Variants in KAZN observed in about 807,000 individuals in gnomAD.
KAZN encodes kazrin, periplakin interacting protein.
In KAZN, 40 loss-of-function variants were observed where a neutral mutation model predicts 87.4. The ratio of observed to expected loss-of-function variants is 0.46; its 90% CI spans 0.36 to 0.60. KAZN has a LOEUF of 0.60. KAZN is among the 20% of genes least tolerant of loss of function. The probability of loss-of-function intolerance (pLI) is 0.00; values close to 1 mark genes in which losing one functional copy is unlikely to be tolerated. For synonymous variants in KAZN, 466 were observed against 458.3 expected, an observed-to-expected ratio of 1.02 and a Z score of -0.22; for missense variants, 898 against 1,073.9, an observed-to-expected ratio of 0.84 and a Z score of 2.29.
chr1:14,559,405 T>C (rs115796809), intron 2 of KAZN, among the ~76,000 whole-genome samples: 2,916 of 152,300 alleles, frequency 0.019, 43 homozygotes, highest in South Asian at 0.057. Flanking sequence ...TCACAGTCTA[T>C]GCTTTAGGAT....
intron 2 of KAZN, among the ~76,000 whole-genome samples, chr1:14,236,082 A>G (rs1421355181): frequency 6.7e-6 from 1 of 150,148 alleles, no homozygotes; most frequent in African/African-American, 2.4e-5. Flanking sequence ...TTTCCAGAAT[A>G]CAAGAAAGAT....
chr1:14,245,742 G>C (rs1042394415), intron 2 of KAZN, among the ~76,000 whole-genome samples: 3 of 152,112 alleles, frequency 2.0e-5, no homozygotes, highest in Admixed American at 1.3e-4. Flanking sequence ...CTCATTTTAA[G>C]TATCATCACT....
chr1:14,550,929 C>T (rs1460986449), intron 2 of KAZN, among the ~76,000 whole-genome samples: 1 of 151,558 alleles, frequency 6.6e-6, no homozygotes, highest in East Asian at 1.9e-4. Flanking sequence ...AACTCTTCTC[C>T]CCGGCAGTCT....
At chr1:14,131,298 C>T (rs1570814793) in intron 1 of KAZN, among the ~76,000 whole-genome samples, 1 of 152,176 alleles carries the variant, frequency 6.6e-6, no homozygotes, top group South Asian at 2.1e-4. Context: ...GACACGTAGC[C>T]AAACCATATT....
chr1:14,847,704 G>A (rs993515527), intron 1 of KAZN, among the ~76,000 whole-genome samples: 3 of 152,236 alleles, frequency 2.0e-5, no homozygotes, highest in Non-Finnish European at 2.9e-5. Flanking sequence ...CTGGGGCAGG[G>A]GCACAGTGGC....
chr1:14,122,927 A>G (rs562595382), intron 1 of KAZN, among the ~76,000 whole-genome samples: 1 of 152,260 alleles, frequency 6.6e-6, no homozygotes, highest in South Asian at 2.1e-4. Context: ...CTGCTCTGTG[A>G]CATACTTGTT....
rs79206295 is a variant in KAZN at position 15,111,751 on chromosome 1, A to G, written c.2049-676A>G. On this transcript the variant is annotated intron_variant, in intron 13 of 14. Transcript: ENST00000376030. ...GCCATATGATCTCTGTCAAAAGTCT[A>G]CAACTCTGTCCTTATAGCAACAAGA... 807 of 152,640 alleles carry G rather than the reference A, an allele frequency of 5.3e-3. 4 individuals carry two copies. The highest frequency in any genetic ancestry group is 8.6e-3 in the Non-Finnish European group (587 of 68,260). The allele number at this position is 152,640 out of a possible 1,614,324, so 9.5% of individuals were successfully genotyped here. A position where few individuals can be genotyped will look rare whatever the true frequency, so the allele number is the denominator to read the frequency against.
intron 2 of KAZN, among the ~76,000 whole-genome samples, chr1:14,246,339 T>A (rs6670481): frequency 0.24 from 32,158 of 131,922 alleles, 6,778 homozygotes; most frequent in African/African-American, 0.56. Flanking sequence ...AATTAAAAAA[T>A]ATATAGTATT....
intron 1 of KAZN, among the ~76,000 whole-genome samples, chr1:14,874,958 G>A (rs185848085): frequency 1.2e-3 from 177 of 152,158 alleles, no homozygotes; most frequent in African/African-American, 3.9e-3. Flanking sequence ...GCAGATTTGC[G>A]CAGCCACCTA....
chr1:13,995,767 T>A (rs1003584887), intron 1 of KAZN, among the ~76,000 whole-genome samples: 1 of 152,220 alleles, frequency 6.6e-6, no homozygotes, highest in African/African-American at 2.4e-5. Flanking sequence ...GTTTTGGGAC[T>A]CAGACTGACA....
chr1:14,809,214 T>C (rs531646009), intron 1 of KAZN, among the ~76,000 whole-genome samples: 7 of 152,286 alleles, frequency 4.6e-5, no homozygotes, highest in African/African-American at 1.7e-4. Context: ...AATCAGAGCC[T>C]GGTGGCACAG....
intron 1 of KAZN, among the ~76,000 whole-genome samples, chr1:14,029,658 G>A (rs1337225494): frequency 2.0e-5 from 3 of 151,780 alleles, no homozygotes; most frequent in Non-Finnish European, 4.4e-5. Flanking sequence ...TGTATAAGGT[G>A]TAAGGAAGGG....
At chr1:14,980,294 G>T (rs909075641) in intron 2 of KAZN, among the ~76,000 whole-genome samples, 8 of 152,210 alleles carry the variant, frequency 5.3e-5, no homozygotes, top group Admixed American at 6.5e-5. Flanking sequence ...TGCAAGAGAA[G>T]AGGGCTCTAT....
chr1:14,836,261 G>A (rs1647256918), intron 1 of KAZN, among the ~76,000 whole-genome samples: 1 of 152,144 alleles, frequency 6.6e-6, no homozygotes, highest in South Asian at 2.1e-4. Context: ...ATAAGCCAGA[G>A]GACAGGAAGT....
intron 1 of KAZN, among the ~76,000 whole-genome samples, chr1:14,874,586 T>G (rs1230645854): frequency 6.6e-6 from 1 of 151,988 alleles, no homozygotes; most frequent in Non-Finnish European, 1.5e-5. Context: ...AACTGCACCA[T>G]CTTGTCACCT....
intron 1 of KAZN, among the ~76,000 whole-genome samples, chr1:14,826,819 C>T (rs989675679): frequency 6.6e-5 from 10 of 152,138 alleles, no homozygotes; most frequent in East Asian, 3.9e-4. Context: ...GAATTCAGGC[C>T]GCCTTTGCTC....
intron 3 of KAZN, among the ~76,000 whole-genome samples, chr1:15,040,559 A>G (rs1672782893): frequency 6.6e-6 from 1 of 152,198 alleles, no homozygotes; most frequent in Admixed American, 6.5e-5. Flanking sequence ...TGAGGTCAGG[A>G]GTCCAACACC....
intron 1 of KAZN, among the ~76,000 whole-genome samples, chr1:13,896,459 T>G (rs1639048890): frequency 1.3e-5 from 2 of 152,268 alleles, no homozygotes; most frequent in East Asian, 3.9e-4. Context: ...CAGGTTAATT[T>G]TTTAATTTTT....
At chr1:14,523,218 C>G (rs1571858247) in intron 2 of KAZN, among the ~76,000 whole-genome samples, 1 of 152,200 alleles carries the variant, frequency 6.6e-6, no homozygotes, top group African/African-American at 2.4e-5. Context: ...TGCTGCCTCC[C>G]CTAGCTGTCA....
Sources: allele counts gnomAD v4.1 joint callset (sites outside exome capture counted in the v4.1 genomes callset), GRCh38; gene constraint gnomAD v4.1.1; transcripts MANE v1.5; gene names NCBI Gene and HGNC (gene_info 2026-07-23, HGNC 2026-07-21).